The following ATE1 variants were observed in gnomAD, a reference collection of about 807,000 sequenced individuals.
ATE1 encodes the protein arginyl-tRNA--protein transferase 1.
ATE1 carries 36 observed loss-of-function variants against 70.5 expected under a neutral mutation model. That is an observed-to-expected ratio of 0.51 (90% CI 0.39 to 0.67). The LOEUF (loss-of-function observed/expected upper bound fraction) is 0.67, where lower values mean the gene tolerates loss of function less well. ATE1 is among the 30% of genes least tolerant of loss of function. The pLI is 0.00. For synonymous variants in ATE1, 232 were observed against 219.3 expected (o/e 1.06, Z -0.51); for missense variants, 593 against 629.5 (o/e 0.94, Z 0.62).
At chr10:121,898,981 G>A (rs1476168805) in intron 7 of ATE1, 53 of 1,611,496 alleles carry the variant, frequency 3.3e-5, no homozygotes, top group Non-Finnish European at 4.0e-5. Flanking sequence ...TTCAGAGCAA[G>A]GAAAATACAA....
chr10:121,866,401 A>T (rs888849109), intron 8 of ATE1, among the ~76,000 whole-genome samples: 1 of 152,248 alleles, frequency 6.6e-6, no homozygotes, highest in African/African-American at 2.4e-5. Context: ...TAATTAACCA[A>T]GGTAAATACC....
In ATE1 at chr10:121,788,459, TAAGA is replaced by T. The variant is rs1208353201; in HGVS notation, c.1378+1706_1378+1709del. 2.6e-5 allele frequency among the ~76,000 whole-genome samples: 4 copies of T among 152,172 alleles called. No homozygotes were observed. In the East Asian group the frequency reaches 7.7e-4, roughly 29 times the overall value. On this transcript the variant is annotated intron_variant, in intron 11 of 11. Coordinates refer to ENST00000224652, the MANE Select transcript of ATE1 (RefSeq NM_001001976.3). ...TCAGGTTCTAAGGTATCATCATGTG[TAAGA>T]AAGAGTCACTCTTGATTTCATAACA...
intron 11 of ATE1, among the ~76,000 whole-genome samples, chr10:121,760,893 CAT>C (rs1564815417): frequency 2.0e-5 from 3 of 152,184 alleles, no homozygotes; most frequent in South Asian, 2.1e-4. Flanking sequence ...TGCTATAATT[CAT>C]ATGTTTGTCC....
intron 11 of ATE1, among the ~76,000 whole-genome samples, chr10:121,782,865 C>A (rs1946052748): frequency 6.6e-6 from 1 of 152,324 alleles, no homozygotes; most frequent in African/African-American, 2.4e-5. Context: ...TCCTCCCGTA[C>A]TGGATGCTTC....
chr10:121,830,623 C>A (rs1372379617), intron 10 of ATE1, among the ~76,000 whole-genome samples: 1 of 152,084 alleles, frequency 6.6e-6, no homozygotes, highest in Admixed American at 6.5e-5. Flanking sequence ...TAACTTTAAT[C>A]CCTCAGTTAC....
chr10:121,801,799 A>G (rs760353394), intron 10 of ATE1, among the ~76,000 whole-genome samples: 8 of 152,110 alleles, frequency 5.3e-5, no homozygotes, highest in Admixed American at 6.5e-5. Context: ...GGCTGACTCC[A>G]AGTTTTCTCC....
chr10:121,822,385 A>G (rs1157915300), intron 10 of ATE1, among the ~76,000 whole-genome samples: 2 of 152,198 alleles, frequency 1.3e-5, no homozygotes, highest in Non-Finnish European at 2.9e-5. Flanking sequence ...GGGGGATGGG[A>G]CCATAACCAA....
chr10:121,821,398 A>C (rs140342841), intron 10 of ATE1, among the ~76,000 whole-genome samples: 117 of 152,344 alleles, frequency 7.7e-4, no homozygotes, highest in African/African-American at 2.7e-3. Flanking sequence ...AAAGGCAAGC[A>C]ATGAGTGGAA....
intron 11 of ATE1, among the ~76,000 whole-genome samples, chr10:121,745,298 A>G (rs1040759306): frequency 4.6e-5 from 7 of 152,196 alleles, no homozygotes; most frequent in African/African-American, 1.7e-4. Flanking sequence ...GCCTGACTAC[A>G]TATTGTAACC....
intron 11 of ATE1, among the ~76,000 whole-genome samples, chr10:121,777,002 T>C (rs1322384207): frequency 6.6e-6 from 1 of 152,242 alleles, no homozygotes; most frequent in Non-Finnish European, 1.5e-5. Flanking sequence ...CATACATTTG[T>C]GTAATGTAAT....
rs199563186 is a variant in ATE1, at chr10:121,776,954, T to TGG, written c.1378+13213_1378+13214dup. On this transcript the variant is annotated intron_variant, in intron 11 of 11. Transcript: ENST00000224652. Reference sequence around the variant, plus strand: ...ATTGAGCACAGTTATGGAAAACAGGTGGGTACACACTAACTTGGGTGTTCT... The same window carrying TGG: ...ATTGAGCACAGTTATGGAAAACAGGTGGGGGTACACACTAACTTGGGTGTTCT... Among the ~76,000 whole-genome samples, 501 of 152,302 alleles carry TGG rather than the reference T, an allele frequency of 3.3e-3. 10 individuals carry two copies. In the East Asian group the frequency reaches 0.041, roughly 12 times the overall value.
upstream of ATE1, chr10:121,928,046 C>G (rs1020941551): frequency 8.1e-6 from 10 of 1,228,322 alleles, no homozygotes; most frequent in Admixed American, 4.4e-5. Flanking sequence ...GGGAGCCTCC[C>G]GAGGCTCGCG....
At chr10:121,820,399 C>T (rs954762523) in intron 10 of ATE1, among the ~76,000 whole-genome samples, 4 of 152,048 alleles carry the variant, frequency 2.6e-5, no homozygotes, top group Non-Finnish European at 5.9e-5. Flanking sequence ...AACATATATG[C>T]CATTAACAAT....
chr10:121,785,483 A>T (rs1298522241), intron 11 of ATE1, among the ~76,000 whole-genome samples: 1 of 152,164 alleles, frequency 6.6e-6, no homozygotes, highest in Admixed American at 6.6e-5. Context: ...TCTTCCACAA[A>T]CAATCAAGGT....
chr10:121,813,741 C>T (rs545612165), intron 10 of ATE1, among the ~76,000 whole-genome samples: 71 of 152,280 alleles, frequency 4.7e-4, no homozygotes, highest in African/African-American at 1.7e-3. Flanking sequence ...TTTATGTCCC[C>T]TCAGCAGCAG....
At chr10:121,824,786 T>G (rs933247740) in intron 10 of ATE1, among the ~76,000 whole-genome samples, 1 of 152,100 alleles carries the variant, frequency 6.6e-6, no homozygotes, top group South Asian at 2.1e-4. Flanking sequence ...CTCTGAGAGA[T>G]AATATGGGGG....
chr10:121,868,471 A>C lies in ATE1; in HGVS notation c.975+1535T>G, dbSNP rs530110254. On this transcript the variant is annotated intron_variant, in intron 8 of 11. Coordinates refer to ENST00000224652, the MANE Select transcript of ATE1 (RefSeq NM_001001976.3). ...GCTTTTGAAGTTAGAAAGTGCTTCC[A>C]TAACTATAGAGTGGGCTATAAAACT... Among the ~76,000 whole-genome samples the C allele has an allele frequency of 7.9e-5, 12 of 152,306 alleles. No homozygotes were observed. The East Asian group carries it at 2.3e-3, about 29-fold the overall frequency.
intron 10 of ATE1, among the ~76,000 whole-genome samples, chr10:121,832,029 G>A (rs7922973): frequency 0.089 from 13,512 of 152,210 alleles, 1,890 homozygotes; most frequent in African/African-American, 0.3. Flanking sequence ...ATTTGGAAGA[G>A]GGACTAAAGG....
intron 10 of ATE1, among the ~76,000 whole-genome samples, chr10:121,791,476 C>G (rs1225674745): frequency 3.3e-5 from 5 of 152,122 alleles, no homozygotes; most frequent in Admixed American, 2.0e-4. Flanking sequence ...AAAAATCATT[C>G]ACTTAATGGG....
Sources: allele counts gnomAD v4.1 joint callset (sites outside exome capture counted in the v4.1 genomes callset), GRCh38; gene constraint gnomAD v4.1.1; transcripts MANE v1.5; gene names NCBI Gene and HGNC (gene_info 2026-07-23, HGNC 2026-07-21).